Variants in RPS6KC1 observed in about 807,000 individuals in gnomAD.
The protein encoded by RPS6KC1 is inactive ribosomal protein S6 kinase delta-1.
A neutral mutation model predicts 103.8 loss-of-function variants in RPS6KC1; 54 were observed. That is an observed-to-expected ratio of 0.52 (90% CI 0.42 to 0.65). The LOEUF is 0.65. Among genes scored for constraint, RPS6KC1 ranks in the 30% least tolerant of loss-of-function variants. RPS6KC1 has a pLI of 0.00. For synonymous variants in RPS6KC1, 439 were observed against 438.7 expected, an observed-to-expected ratio of 1.00 and a Z score of -0.01; for missense variants, 1,151 against 1,253.8, an observed-to-expected ratio of 0.92 and a Z score of 1.24.
At chr1:213,671,044 G>A in the RPS6KC1 span, among the ~76,000 whole-genome samples, 1 of 152,176 alleles carries the variant, frequency 6.6e-6, no homozygotes, top group African/African-American at 2.4e-5. Context: ...TGACCAGAAA[G>A]CACAGAAAAG....
At chr1:213,263,197 T>C (rs2094839054) in intron 14 of RPS6KC1, among the ~76,000 whole-genome samples, 2 of 152,202 alleles carry the variant, frequency 1.3e-5, no homozygotes, top group Non-Finnish European at 2.9e-5. Context: ...CTTATAAGTT[T>C]ACTCAGGTAT....
At chr1:213,600,085 AT>A in the RPS6KC1 span, among the ~76,000 whole-genome samples, 3 of 151,890 alleles carry the variant, frequency 2.0e-5, no homozygotes, top group African/African-American at 7.3e-5. Context: ...AGCGTCTGGC[AT>A]TTTTCTTGGC....
chr1:213,840,095 A>G, the RPS6KC1 span: 1 of 152,114 alleles, frequency 6.6e-6, no homozygotes, highest in Non-Finnish European at 1.5e-5. Flanking sequence ...CCTCTTGCCT[A>G]GGTTCTGCCT....
intron 7 of RPS6KC1, among the ~76,000 whole-genome samples, chr1:213,173,977 T>C (rs2091673007): frequency 6.6e-6 from 1 of 152,228 alleles, no homozygotes. Context: ...AAATAGGAGA[T>C]AGGGATGTTG....
the RPS6KC1 span, among the ~76,000 whole-genome samples, chr1:213,577,599 G>C: frequency 4.8e-4 from 73 of 152,292 alleles, no homozygotes; most frequent in East Asian, 0.013. Flanking sequence ...GGTGGTCTCA[G>C]ATGGAGATGA....
At chr1:213,458,365 G>A in the RPS6KC1 span, among the ~76,000 whole-genome samples, 1 of 102,234 alleles carries the variant, frequency 9.8e-6, no homozygotes, top group Non-Finnish European at 1.9e-5. Flanking sequence ...ATTCCATAGT[G>A]TAAACGTAAC....
the RPS6KC1 span, among the ~76,000 whole-genome samples, chr1:213,298,842 C>T: frequency 1.3e-5 from 2 of 152,144 alleles, no homozygotes; most frequent in African/African-American, 4.8e-5. Context: ...ATGATTCCCC[C>T]CTGTTGTGGT....
chr1:213,078,899 A>G (rs1000388356), intron 3 of RPS6KC1, among the ~76,000 whole-genome samples: 1 of 152,214 alleles, frequency 6.6e-6, no homozygotes, highest in East Asian at 1.9e-4. Context: ...TCTCCTAGAT[A>G]GTATAATATT....
chr1:213,304,097 T>C, the RPS6KC1 span, among the ~76,000 whole-genome samples: 1 of 148,698 alleles, frequency 6.7e-6, no homozygotes, highest in Non-Finnish European at 1.5e-5. Context: ...TCCCAGCTAC[T>C]TGGGAGGCTG....
chr1:213,115,304 T>G (rs973576030), intron 4 of RPS6KC1, among the ~76,000 whole-genome samples: 2 of 152,102 alleles, frequency 1.3e-5, no homozygotes, highest in East Asian at 3.8e-4. Flanking sequence ...GTCGAGGAAT[T>G]TATCCATTTC....
chr1:213,100,604 G>A (rs568503686), intron 3 of RPS6KC1, among the ~76,000 whole-genome samples: 2 of 152,060 alleles, frequency 1.3e-5, no homozygotes, highest in African/African-American at 4.8e-5. Flanking sequence ...CGCTTTTGGA[G>A]TTCTCAATGT....
chr1:213,205,556 A>ATATAGATATATATATATATC (rs2093323502), intron 8 of RPS6KC1, among the ~76,000 whole-genome samples: 3 of 137,110 alleles, frequency 2.2e-5, no homozygotes, highest in Admixed American at 7.1e-5. Context: ...AGATATATAT[A>ATATAGATATATATATATATC]TATATATATA....
the RPS6KC1 span, among the ~76,000 whole-genome samples, chr1:213,380,862 G>A: frequency 6.6e-6 from 1 of 152,044 alleles, no homozygotes; most frequent in African/African-American, 2.4e-5. Flanking sequence ...CATGTCTCAG[G>A]GCTCCTGTTC....
At chr1:213,266,780 G>A (rs554222916) in intron 14 of RPS6KC1, among the ~76,000 whole-genome samples, 2 of 152,056 alleles carry the variant, frequency 1.3e-5, no homozygotes, top group East Asian at 3.9e-4. Flanking sequence ...GTGGGTGCCT[G>A]TAGTCCCAGG....
the RPS6KC1 span, among the ~76,000 whole-genome samples, chr1:213,332,607 A>T: frequency 2.6e-5 from 4 of 152,268 alleles, no homozygotes; most frequent in African/African-American, 9.6e-5. Flanking sequence ...GCAGGTAGGT[A>T]AACTGTTTGC....
chr1:213,621,298 C>T, the RPS6KC1 span, among the ~76,000 whole-genome samples: 2 of 151,922 alleles, frequency 1.3e-5, no homozygotes, highest in East Asian at 3.9e-4. Flanking sequence ...TGGACTAGAA[C>T]AATAGATACG....
the RPS6KC1 span, among the ~76,000 whole-genome samples, chr1:213,828,400 T>C: frequency 6.6e-6 from 1 of 152,106 alleles, no homozygotes; most frequent in Non-Finnish European, 1.5e-5. Context: ...TTTTTTTAAA[T>C]CTCTGGAAAT....
the RPS6KC1 span, among the ~76,000 whole-genome samples, chr1:213,783,731 A>G: frequency 3.3e-5 from 5 of 150,864 alleles, no homozygotes; most frequent in East Asian, 9.8e-4. Flanking sequence ...ACTCCACTTA[A>G]TAACAGCTTT....
the RPS6KC1 span, among the ~76,000 whole-genome samples, chr1:213,381,816 G>A: frequency 1.3e-5 from 2 of 152,208 alleles, no homozygotes; most frequent in Admixed American, 1.3e-4. Context: ...ATAGCACCAA[G>A]CCTGCAGTGG....
Sources: allele counts gnomAD v4.1 joint callset (sites outside exome capture counted in the v4.1 genomes callset), GRCh38; gene constraint gnomAD v4.1.1; transcripts MANE v1.5; gene names NCBI Gene and HGNC (gene_info 2026-07-23, HGNC 2026-07-21).